Variants in DLEC1 observed in about 807,000 individuals in gnomAD.
DLEC1 encodes the protein deleted in lung and esophageal cancer protein 1.
DLEC1 carries 146 observed loss-of-function variants against 198.1 expected under a neutral mutation model. That is an observed-to-expected ratio of 0.74 (90% CI 0.64 to 0.85). DLEC1 has a LOEUF of 0.85. DLEC1 is among the 40% of genes least tolerant of loss of function. DLEC1 has a pLI of 0.00. For synonymous variants in DLEC1, 897 were observed against 866.8 expected (o/e 1.03, Z -0.61); for missense variants, 2,233 against 2,220.0 (o/e 1.01, Z -0.12).
chr3:38,066,050 C>T (rs1697013884), intron 6 of DLEC1, among the ~76,000 whole-genome samples: 1 of 152,174 alleles, frequency 6.6e-6, no homozygotes, highest in African/African-American at 2.4e-5. Flanking sequence ...CATTTTTCCT[C>T]TTTTTTGACA....
intron 23 of DLEC1, among the ~76,000 whole-genome samples, chr3:38,111,116 CT>C (rs1394581037): frequency 2.0e-5 from 3 of 151,776 alleles, no homozygotes; most frequent in South Asian, 4.2e-4. Context: ...TAATTTAGGA[CT>C]TTTTTTTTCT....
At chr3:38,100,542 T>A in intron 19 of DLEC1, 117 bp downstream of exon 19, 1 of 1,323,698 alleles carries the variant, frequency 7.6e-7, no homozygotes. Flanking sequence ...ATCCAGAAAA[T>A]TAGTATTCTA....
intron 28 of DLEC1, 29 bp from the exon 29 acceptor site, chr3:38,116,744 C>T (rs758013367): frequency 9.3e-6 from 15 of 1,608,090 alleles, no homozygotes; most frequent in African/African-American, 5.3e-5. Flanking sequence ...TCAGTGACTG[C>T]GTGAACCTCA....
In DLEC1 at chr3:38,122,212, C is replaced by G; in HGVS notation, c.5144+18C>G. Reference sequence around the variant, plus strand: ...ACTGCCAGGTGCAGCCCCTTCCAACCTTCCCCAAACTGCCCACAGAGCCTG... The same window carrying G: ...ACTGCCAGGTGCAGCCCCTTCCAACGTTCCCCAAACTGCCCACAGAGCCTG... On this transcript the variant is annotated intron_variant, in intron 36 of 36. Coordinates refer to ENST00000308059, the MANE Select transcript of DLEC1 (RefSeq NM_007335.4). The G allele has an allele frequency of 6.2e-7, 1 of 1,611,698 alleles. No individual in the cohort carries two copies. Among genetic ancestry groups the G allele is most frequent in the Non-Finnish European group, 8.5e-7 (1 of 1,178,356 alleles).
intron 6 of DLEC1, among the ~76,000 whole-genome samples, chr3:38,065,367 A>G (rs1696972258): frequency 6.8e-6 from 1 of 146,966 alleles, no homozygotes; most frequent in Non-Finnish European, 1.5e-5. Flanking sequence ...GACTGTGCAG[A>G]GGGAGAGGGA....
intron 1 of DLEC1, among the ~76,000 whole-genome samples, chr3:38,040,699 AT>A (rs1700612539): frequency 6.6e-6 from 1 of 152,222 alleles, no homozygotes; most frequent in South Asian, 2.1e-4. Context: ...TATATGGAGC[AT>A]TATAAACCTA....
chr3:38,116,379 A>T, intron 27 of DLEC1, 74 bp from the exon 28 acceptor site: 1 of 1,450,224 alleles, frequency 6.9e-7, no homozygotes, highest in Non-Finnish European at 9.5e-7. Flanking sequence ...GTCTGGGGGT[A>T]TGAGGAGGAG....
chr3:38,068,770 C>G (rs1697165724), intron 6 of DLEC1, among the ~76,000 whole-genome samples: 1 of 152,100 alleles, frequency 6.6e-6, no homozygotes. Context: ...TATTGATAAG[C>G]ACAAAGCAAA....
intron 1 of DLEC1, among the ~76,000 whole-genome samples, chr3:38,042,633 G>A (rs1418128806): frequency 1.5e-5 from 2 of 136,074 alleles, no homozygotes; most frequent in Admixed American, 8.7e-5. Flanking sequence ...TCAGCTCACT[G>A]CAACCCCTGC....
Position 38,095,870 on chromosome 3 carries a change from ACT to A in DLEC1, c.2113-17_2113-16del. 2 of 1,613,756 alleles carry A rather than the reference ACT, an allele frequency of 1.2e-6. No individual in the cohort carries two copies. The highest frequency in any genetic ancestry group is 1.7e-6 in the Non-Finnish European group (2 of 1,179,938). On this transcript the variant is annotated splice_polypyrimidine_tract_variant and intron_variant, in intron 13 of 36. Coordinates refer to ENST00000308059, the MANE Select transcript of DLEC1 (RefSeq NM_007335.4). ...TGGAACGCAGTGGTGTTTTCAGGGCACTGTGTTTGCCTTGCAGCTGAGGGATT... is the reference window on the plus strand; with the variant it reads ...TGGAACGCAGTGGTGTTTTCAGGGCAGTGTTTGCCTTGCAGCTGAGGGATT...
intron 33 of DLEC1, among the ~76,000 whole-genome samples, chr3:38,119,565 G>A (rs1023903121): frequency 2.0e-4 from 31 of 151,602 alleles, no homozygotes; most frequent in Admixed American, 2.0e-3. Flanking sequence ...TTTTAGATTG[G>A]GTCTTGCTGT....
chr3:38,077,961 G>A (rs933551545), intron 6 of DLEC1, among the ~76,000 whole-genome samples: 1 of 152,212 alleles, frequency 6.6e-6, no homozygotes, highest in Non-Finnish European at 1.5e-5. Flanking sequence ...CGGGCTAGTG[G>A]CTTGTACTAT....
intron 2 of DLEC1, among the ~76,000 whole-genome samples, chr3:38,056,585 C>G (rs1349484451): frequency 6.6e-6 from 1 of 152,200 alleles, no homozygotes; most frequent in African/African-American, 2.4e-5. Context: ...GCTGGGATTA[C>G]AGGCGTGAGC....
In DLEC1 at chr3:38,116,875, A is replaced by G. The variant is rs974361179; in HGVS notation, c.4165A>G (p.Ser1389Gly). The G allele has an allele frequency of 3.9e-5, 63 of 1,613,162 alleles. 2 individuals are homozygous for G. The Admixed American group carries it at 1.0e-3, about 26-fold the overall frequency. ...GCCCTCCGGCCACCTGTACTGTATCAGCCCCAAGCAGGTGGTGAGTTGGGG... is the reference window on the plus strand; with the variant it reads ...GCCCTCCGGCCACCTGTACTGTATCGGCCCCAAGCAGGTGGTGAGTTGGGG... ...GVPSGHLYCI[S>G]PKQVVVPAGG... The change falls in exon 29 of 37, where the codon AGC (serine) becomes GGC (glycine). Residue 1389 changes from serine to glycine, a missense_variant. Coordinates refer to ENST00000308059, the MANE Select transcript of DLEC1 (RefSeq NM_007335.4).
chr3:38,040,894 C>T (rs139243984), intron 1 of DLEC1, among the ~76,000 whole-genome samples: 4 of 151,766 alleles, frequency 2.6e-5, no homozygotes, highest in African/African-American at 4.8e-5. Context: ...GGCTGGAGTG[C>T]AGTGATGTGA....
intron 2 of DLEC1, among the ~76,000 whole-genome samples, chr3:38,055,113 A>G (rs2125596552): frequency 6.6e-6 from 1 of 152,334 alleles, no homozygotes; most frequent in East Asian, 1.9e-4. Flanking sequence ...ATGGAAAGGA[A>G]AATCAGAAGA....
intron 14 of DLEC1, 139 bp from the exon 15 acceptor site, chr3:38,096,430 T>G: frequency 9.7e-7 from 1 of 1,034,362 alleles, no homozygotes; most frequent in Non-Finnish European, 1.4e-6. Flanking sequence ...GGCTAATGCC[T>G]TTGATTTAGG....
rs540862501 is a variant in DLEC1 at position 38,113,654 on chromosome 3, G to A, written c.3667-688G>A. On this transcript the variant is annotated intron_variant, in intron 25 of 36. Coordinates refer to ENST00000308059, the MANE Select transcript of DLEC1 (RefSeq NM_007335.4). Reference sequence around the variant, plus strand: ...TGCAGTCAGCCGAGATCATGCCACTGCACTCCAGCCTGAGCGATGGAGCAA... The same window carrying A: ...TGCAGTCAGCCGAGATCATGCCACTACACTCCAGCCTGAGCGATGGAGCAA... 5.9e-5 allele frequency among the ~76,000 whole-genome samples: 9 copies of A among 152,164 alleles called. No homozygotes were observed. In the East Asian group the frequency reaches 1.5e-3, roughly 26 times the overall value.
chr3:38,084,579 G>GTAGTAGTAGT (rs147653328), intron 7 of DLEC1, among the ~76,000 whole-genome samples: 1 of 1,084 alleles, frequency 9.2e-4, no homozygotes, highest in Admixed American at 9.3e-3. Flanking sequence ...AGTAGTAGTG[G>GTAGTAGTAGT]GGGGGTGGTA....
Sources: gnomAD v4.1 joint callset for allele counts (sites outside exome capture counted in the v4.1 genomes callset) on GRCh38, gnomAD v4.1.1 for gene constraint, MANE v1.5 for transcripts, NCBI Gene and HGNC (gene_info 2026-07-23, HGNC 2026-07-21) for gene names.